Variants in JOSD1 observed in about 807,000 individuals in gnomAD.
The protein encoded by JOSD1 is josephin-1.
A neutral mutation model predicts 24.3 loss-of-function variants in JOSD1; 11 were observed. The observed-to-expected ratio is 0.45, with a 90% CI of 0.29 to 0.75. The LOEUF (loss-of-function observed/expected upper bound fraction) is 0.75. Among genes scored for constraint, JOSD1 ranks in the 30% least tolerant of loss-of-function variants. The probability of loss-of-function intolerance (pLI) is 0.11; values close to 1 mark genes in which losing one functional copy is unlikely to be tolerated. For synonymous variants in JOSD1, 106 were observed against 93.8 expected, an observed-to-expected ratio of 1.13 and a Z score of -0.75; for missense variants, 184 against 253.5, an observed-to-expected ratio of 0.73 and a Z score of 1.86.
At position 38,695,730 on chromosome 22, in the gene JOSD1, A is replaced by C. The variant is rs1251916114; in HGVS notation, c.185+4073T>G. Among the ~76,000 whole-genome samples, 5 of 151,578 alleles carry C rather than the reference A, an allele frequency of 3.3e-5. No individual in the cohort carries two copies. The East Asian group carries it at 1.0e-3, about 30-fold the overall frequency. The stretch of plus-strand genomic sequence containing the variant: ...CCAAAGTGCTGGGATTACAGGCATA[A>C]GCCACCAAGCCCAGCCGTGGTTAAA... On this transcript the variant is annotated intron_variant, in intron 2 of 4. Transcript: ENST00000683374.
intron 2 of JOSD1, among the ~76,000 whole-genome samples, chr22:38,694,921 G>C (rs2092538553): frequency 6.6e-6 from 1 of 150,844 alleles, no homozygotes; most frequent in Non-Finnish European, 1.5e-5. Context: ...TCTCCCCACT[G>C]TCTGTGTCCT....
At chr22:38,692,955 C>T (rs567573527) in intron 2 of JOSD1, among the ~76,000 whole-genome samples, 2 of 152,192 alleles carry the variant, frequency 1.3e-5, no homozygotes, top group South Asian at 4.1e-4. Context: ...AGTCTTCCAC[C>T]TCATTCACCA....
chr22:38,690,547 C>A (rs1348912856), intron 2 of JOSD1, among the ~76,000 whole-genome samples: 1 of 151,882 alleles, frequency 6.6e-6, no homozygotes, highest in South Asian at 2.1e-4. Flanking sequence ...GGATTACAGG[C>A]ACCCGCCACC....
intron 2 of JOSD1, among the ~76,000 whole-genome samples, chr22:38,693,009 A>G (rs1383031304): frequency 6.6e-6 from 1 of 152,092 alleles, no homozygotes; most frequent in African/African-American, 2.4e-5. Context: ...GCGCTTCCCA[A>G]GGGTGCTCCT....
At chr22:38,696,509 G>C (rs1174365912) in intron 2 of JOSD1, among the ~76,000 whole-genome samples, 5 of 152,012 alleles carry the variant, frequency 3.3e-5, no homozygotes, top group African/African-American at 9.7e-5. Context: ...CAGAGTGCTG[G>C]GATTACATGC....
At chr22:38,689,840 A>C (rs2092513797) in intron 2 of JOSD1, among the ~76,000 whole-genome samples, 2 of 152,024 alleles carry the variant, frequency 1.3e-5, no homozygotes. Flanking sequence ...ATAAATGTAT[A>C]AACTGGGGTT....
chr22:38,689,193 TACC>T, intron 3 of JOSD1, 64 bp from the exon 4 acceptor site: 1 of 1,601,506 alleles, frequency 6.2e-7, no homozygotes, highest in East Asian at 2.2e-5. Flanking sequence ...CTGGCTGTAA[TACC>T]ACAACTGGCT....
intron 2 of JOSD1, among the ~76,000 whole-genome samples, chr22:38,692,817 AG>A (rs2092529198): frequency 6.6e-6 from 1 of 151,436 alleles, no homozygotes; most frequent in African/African-American, 2.4e-5. Context: ...AAAGAAAAAA[AG>A]AGAACAGAAC....
chr22:38,693,411 A>T (rs1413514984), intron 2 of JOSD1, among the ~76,000 whole-genome samples: 1 of 152,146 alleles, frequency 6.6e-6, no homozygotes, highest in African/African-American at 2.4e-5. Context: ...TCCTTCCACC[A>T]ATTCAGCCTC....
At chr22:38,692,128 G>A (rs2092525398) in intron 2 of JOSD1, among the ~76,000 whole-genome samples, 1 of 152,084 alleles carries the variant, frequency 6.6e-6, no homozygotes. Flanking sequence ...ATAACTTATT[G>A]AAAAATCTCT....
intron 2 of JOSD1, among the ~76,000 whole-genome samples, chr22:38,690,954 A>G (rs2092519218): frequency 6.6e-6 from 1 of 152,140 alleles, no homozygotes; most frequent in Non-Finnish European, 1.5e-5. Flanking sequence ...TAGGAGGCAG[A>G]GGCTGCAGTG....
At position 38,686,093 on chromosome 22, in the gene JOSD1, G is replaced by C. The variant is rs1290329538; in HGVS notation, c.*1809C>G. 6.5e-6 allele frequency: 1 copy of C among 152,716 alleles called. No homozygotes were observed. The allele number at this position is 152,716 out of a possible 1,614,324, so 9.5% of individuals were successfully genotyped here. A position where few individuals can be genotyped will look rare whatever the true frequency, so the allele number is the denominator to read the frequency against. ...GGCTGGTGGTGGTTGGAATGTCATTGTGCAGGGCAGGAAAAGAGCTCCCTG... is the reference window on the plus strand; with the variant it reads ...GGCTGGTGGTGGTTGGAATGTCATTCTGCAGGGCAGGAAAAGAGCTCCCTG... On this transcript the variant is annotated 3_prime_UTR_variant, in exon 5 of 5. Transcript: ENST00000683374.
intron 2 of JOSD1, among the ~76,000 whole-genome samples, chr22:38,697,162 G>A (rs1220203615): frequency 6.6e-6 from 1 of 152,228 alleles, no homozygotes; most frequent in Non-Finnish European, 1.5e-5. Context: ...GCACTCTGCA[G>A]GCAGCTAGTC....
At chr22:38,696,975 A>G (rs2092548685) in intron 2 of JOSD1, among the ~76,000 whole-genome samples, 1 of 152,232 alleles carries the variant, frequency 6.6e-6, no homozygotes, top group South Asian at 2.1e-4. Context: ...AACAGCATAG[A>G]ATTATATCTG....
At chr22:38,693,823 A>G (rs1201053127) in intron 2 of JOSD1, among the ~76,000 whole-genome samples, 1 of 152,140 alleles carries the variant, frequency 6.6e-6, no homozygotes, top group Non-Finnish European at 1.5e-5. Context: ...ATCCTCTGTA[A>G]AAAAGGGAGG....
At chr22:38,695,646 T>C (rs59244506) in intron 2 of JOSD1, among the ~76,000 whole-genome samples, 1 of 152,058 alleles carries the variant, frequency 6.6e-6, no homozygotes, top group Admixed American at 6.5e-5. Context: ...AGGGTCTCAC[T>C]ATGTTGCACG....
chr22:38,689,750 G>A (rs570720136), intron 2 of JOSD1, among the ~76,000 whole-genome samples: 10 of 151,620 alleles, frequency 6.6e-5, no homozygotes, highest in Middle Eastern at 3.4e-3. Flanking sequence ...TGTCACTCCT[G>A]CTTTCTAGTT....
chr22:38,694,982 T>G (rs1392018524), intron 2 of JOSD1, among the ~76,000 whole-genome samples: 1 of 151,622 alleles, frequency 6.6e-6, no homozygotes, highest in Non-Finnish European at 1.5e-5. Context: ...CTGACTATGG[T>G]GATGATTTTG....
chr22:38,700,752 T>TCGCGCTCCCGGGCCCG, intron 1 of JOSD1, 48 bp downstream of exon 1: 1 of 983,910 alleles, frequency 1.0e-6, no homozygotes, highest in Middle Eastern at 5.2e-4. Context: ...ACAGTCAGCC[T>TCGCGCTCCCGGGCCCG]CGCGCTCCCG....
Sources: gnomAD v4.1 joint callset for allele counts (sites outside exome capture counted in the v4.1 genomes callset) on GRCh38, gnomAD v4.1.1 for gene constraint, MANE v1.5 for transcripts, NCBI Gene and HGNC (gene_info 2026-07-23, HGNC 2026-07-21) for gene names.